Variants in CDK14 observed in about 807,000 individuals in gnomAD.
CDK14 encodes cyclin dependent kinase 14.
In CDK14, 34 loss-of-function variants were observed where a neutral mutation model predicts 60.7. The observed-to-expected ratio is 0.56, with a 90% CI of 0.43 to 0.75. The LOEUF (loss-of-function observed/expected upper bound fraction) is 0.75. Ranked by LOEUF, CDK14 falls within the 30% of genes least tolerant of loss-of-function variation. The pLI is 0.00. For missense variants in CDK14, 482 were observed against 564.1 expected, an observed-to-expected ratio of 0.85 and a Z score of 1.47; for synonymous variants, 197 against 203.7, an observed-to-expected ratio of 0.97 and a Z score of 0.28.
At chr7:90,638,737 G>T (rs1230481076) in intron 2 of CDK14, among the ~76,000 whole-genome samples, 1 of 152,136 alleles carries the variant, frequency 6.6e-6, no homozygotes, top group African/African-American at 2.4e-5. Flanking sequence ...TTCCAACTTG[G>T]TTATATTCTC....
intron 10 of CDK14, among the ~76,000 whole-genome samples, chr7:90,999,784 A>C (rs1287956592): frequency 6.6e-6 from 1 of 152,240 alleles, no homozygotes; most frequent in Admixed American, 6.5e-5. Flanking sequence ...TATCATTCAC[A>C]CAAAACTCAG....
intron 2 of CDK14, among the ~76,000 whole-genome samples, chr7:90,671,146 CTG>C (rs911172902): frequency 1.2e-4 from 18 of 152,222 alleles, no homozygotes; most frequent in African/African-American, 4.1e-4. Context: ...ATGGTGCTCT[CTG>C]TGTCTGTTCA....
At chr7:91,066,132 T>C (rs1398380175) in intron 11 of CDK14, among the ~76,000 whole-genome samples, 1 of 152,172 alleles carries the variant, frequency 6.6e-6, no homozygotes, top group Non-Finnish European at 1.5e-5. Flanking sequence ...TAATCCTAAA[T>C]TGAAATTGTG....
At chr7:90,953,477 A>G (rs1041883970) in intron 8 of CDK14, among the ~76,000 whole-genome samples, 1 of 152,196 alleles carries the variant, frequency 6.6e-6, no homozygotes, top group Non-Finnish European at 1.5e-5. Flanking sequence ...GTAGTTTCCA[A>G]AAATATTTAA....
chr7:90,845,327 TG>T (rs1250885988), intron 5 of CDK14, among the ~76,000 whole-genome samples: 1 of 152,190 alleles, frequency 6.6e-6, no homozygotes, highest in Non-Finnish European at 1.5e-5. Flanking sequence ...TATGTAAATC[TG>T]GTTAAACATT....
chr7:90,685,997 T>C (rs1341405536), intron 2 of CDK14, among the ~76,000 whole-genome samples: 1 of 152,126 alleles, frequency 6.6e-6, no homozygotes, highest in Non-Finnish European at 1.5e-5. Context: ...TATTGGTACA[T>C]AAGAAAGCTG....
At chr7:91,129,206 G>T (rs957737108) in intron 14 of CDK14, among the ~76,000 whole-genome samples, 1 of 152,160 alleles carries the variant, frequency 6.6e-6, no homozygotes, top group Non-Finnish European at 1.5e-5. Flanking sequence ...TTTACACTGT[G>T]TTGACATTTG....
chr7:90,816,808 G>T (rs1331626621), intron 5 of CDK14, among the ~76,000 whole-genome samples: 1 of 152,196 alleles, frequency 6.6e-6, no homozygotes, highest in East Asian at 1.9e-4. Flanking sequence ...ATTTATCCCA[G>T]TAAATCACTG....
intron 6 of CDK14, among the ~76,000 whole-genome samples, chr7:90,867,270 T>G (rs1260997925): frequency 6.6e-6 from 1 of 152,154 alleles, no homozygotes; most frequent in Non-Finnish European, 1.5e-5. Flanking sequence ...AAAATGTAGT[T>G]GAGAATCATT....
chr7:91,202,418 GT>G (rs1802757198), intron 14 of CDK14, among the ~76,000 whole-genome samples: 1 of 152,148 alleles, frequency 6.6e-6, no homozygotes. Context: ...TATGCACATA[GT>G]TGAGCTTATA....
At chr7:91,032,577 G>A (rs2115945515) in intron 10 of CDK14, among the ~76,000 whole-genome samples, 1 of 152,330 alleles carries the variant, frequency 6.6e-6, no homozygotes, top group African/African-American at 2.4e-5. Flanking sequence ...AGAAAGCAGT[G>A]TGAAGAGGGA....
intron 11 of CDK14, among the ~76,000 whole-genome samples, chr7:91,061,333 C>A (rs1425595912): frequency 1.3e-5 from 2 of 152,136 alleles, no homozygotes; most frequent in Non-Finnish European, 2.9e-5. Flanking sequence ...AACTTGTTTG[C>A]CGTGGGTTCG....
intron 2 of CDK14, among the ~76,000 whole-genome samples, chr7:90,624,607 T>C (rs1262652437): frequency 6.6e-6 from 1 of 152,230 alleles, no homozygotes; most frequent in East Asian, 1.9e-4. Context: ...CCCCTGAGAA[T>C]AGGAGAAAAT....
At chr7:91,038,453 A>C (rs1796993475) in intron 10 of CDK14, among the ~76,000 whole-genome samples, 1 of 152,236 alleles carries the variant, frequency 6.6e-6, no homozygotes, top group Non-Finnish European at 1.5e-5. Flanking sequence ...TTTTCACAGA[A>C]ATAAATGTAA....
At chr7:90,774,382 C>T (rs1238431404) in intron 4 of CDK14, among the ~76,000 whole-genome samples, 2 of 152,082 alleles carry the variant, frequency 1.3e-5, no homozygotes, top group Non-Finnish European at 2.9e-5. Flanking sequence ...ATGGTCTTGC[C>T]TATAAGACAG....
intron 6 of CDK14, among the ~76,000 whole-genome samples, chr7:90,869,747 G>C (rs1791305581): frequency 6.6e-6 from 1 of 152,202 alleles, no homozygotes. Flanking sequence ...CTGTTGGGAA[G>C]ACTTTAAAAG....
chr7:90,952,725 G>A (rs1416095833), intron 8 of CDK14, among the ~76,000 whole-genome samples: 6 of 152,078 alleles, frequency 3.9e-5, no homozygotes, highest in Admixed American at 6.6e-5. Context: ...CATGAACTGC[G>A]TCTTTTTTAA....
chr7:90,694,323 A>G (rs1801614267), intron 2 of CDK14, among the ~76,000 whole-genome samples: 1 of 152,218 alleles, frequency 6.6e-6, no homozygotes, highest in African/African-American at 2.4e-5. Context: ...AGGATTTTAA[A>G]AAAACAGTTA....
At chr7:91,137,268 G>T (rs893705262) in intron 14 of CDK14, among the ~76,000 whole-genome samples, 22 of 152,028 alleles carry the variant, frequency 1.4e-4, no homozygotes, top group Admixed American at 5.2e-4. Flanking sequence ...GTCTGAATTG[G>T]GGGGACCTGA....
Sources: gnomAD v4.1 joint callset for allele counts (sites outside exome capture counted in the v4.1 genomes callset) on GRCh38, gnomAD v4.1.1 for gene constraint, MANE v1.5 for transcripts, NCBI Gene and HGNC (gene_info 2026-07-23, HGNC 2026-07-21) for gene names.